KIAA1328: variants seen among roughly 807,000 people sequenced by gnomAD.
KIAA1328 encodes the protein KIAA1328, also known as protein hinderin.
A neutral mutation model predicts 68.1 loss-of-function variants in KIAA1328; 52 were observed. That is an observed-to-expected ratio of 0.76 (90% CI 0.61 to 0.96). KIAA1328 has a LOEUF of 0.96. Among genes scored for constraint, KIAA1328 ranks in the 40% least tolerant of loss-of-function variants. The pLI is 0.00. For missense variants in KIAA1328, 641 were observed against 677.6 expected (o/e 0.95, Z 0.60); for synonymous variants, 232 against 239.4 (o/e 0.97, Z 0.28).
chr18:37,063,933 A>AAT lies in KIAA1328; in HGVS notation c.577-2944_577-2943dup, dbSNP rs1271668528. On this transcript the variant is annotated intron_variant, in intron 6 of 9. Coordinates refer to ENST00000280020, the MANE Select transcript of KIAA1328 (RefSeq NM_020776.3). ...TTTTAAAAACTTACCTGTCATTTGA[A>AAT]ATATATATATATATCTAGTAATTTC... Among the ~76,000 whole-genome samples, 614 of 151,436 alleles carry AAT rather than the reference A, an allele frequency of 4.1e-3. 3 individuals are homozygous for AAT. Among genetic ancestry groups the AAT allele is most frequent in the African/African-American group, 0.013 (528 of 41,334 alleles).
intron 9 of KIAA1328, among the ~76,000 whole-genome samples, chr18:37,199,124 G>T (rs968562756): frequency 2.0e-5 from 3 of 152,196 alleles, no homozygotes; most frequent in Non-Finnish European, 4.4e-5. Context: ...GGGTACATAT[G>T]CAGGATGTAC....
intron 5 of KIAA1328, among the ~76,000 whole-genome samples, chr18:36,926,371 A>C (rs1052853938): frequency 1.5e-4 from 21 of 141,616 alleles, no homozygotes; most frequent in African/African-American, 4.3e-4. Context: ...TTCTTTCTCT[A>C]TCTCTCTCTC....
At chr18:36,929,664 G>A (rs1211529100) in intron 5 of KIAA1328, among the ~76,000 whole-genome samples, 1 of 152,006 alleles carries the variant, frequency 6.6e-6, no homozygotes, top group Non-Finnish European at 1.5e-5. Context: ...AGGTCTTGAG[G>A]ATGGAGCACT....
intron 5 of KIAA1328, among the ~76,000 whole-genome samples, chr18:36,923,345 A>G (rs1044701786): frequency 5.9e-5 from 9 of 152,186 alleles, no homozygotes; most frequent in Non-Finnish European, 1.3e-4. Flanking sequence ...CAGAAAAGCA[A>G]TAGAGACAAT....
chr18:36,853,174 C>T (rs1273471032), intron 4 of KIAA1328, among the ~76,000 whole-genome samples: 2 of 152,002 alleles, frequency 1.3e-5, no homozygotes, highest in Non-Finnish European at 2.9e-5. Flanking sequence ...ACCTTTGTGT[C>T]TTTTGATTTA....
chr18:36,930,353 C>T (rs2050266964), intron 5 of KIAA1328, among the ~76,000 whole-genome samples: 1 of 152,090 alleles, frequency 6.6e-6, no homozygotes, highest in Admixed American at 6.5e-5. Flanking sequence ...CCACAACTTT[C>T]CTATGGGTCC....
Position 37,225,119 on chromosome 18 carries a change from G to T in KIAA1328, c.*2892G>T, listed in dbSNP as rs747784382. 58 of 985,030 alleles carry T rather than the reference G, an allele frequency of 5.9e-5. No individual in the cohort carries two copies. The highest frequency in any genetic ancestry group is 6.3e-5 in the Non-Finnish European group (52 of 829,882). 61.0% of individuals were successfully genotyped at this position (985,030 alleles called of 1,614,324 possible). A position where few individuals can be genotyped will look rare whatever the true frequency, so the allele number is the denominator to read the frequency against. Reference sequence around the variant, plus strand: ...CACTTGTCCCTGCTTCCGGCACCAAGTTCATAATAGAGATCTTCTGGCCAG... The same window carrying T: ...CACTTGTCCCTGCTTCCGGCACCAATTTCATAATAGAGATCTTCTGGCCAG... On this transcript the variant is annotated 3_prime_UTR_variant, in exon 10 of 10. Transcript: ENST00000280020.
At chr18:37,082,859 T>C (rs780502402) in intron 7 of KIAA1328, among the ~76,000 whole-genome samples, 1 of 152,156 alleles carries the variant, frequency 6.6e-6, no homozygotes, top group Admixed American at 6.5e-5. Context: ...AAGTAGTGTA[T>C]GTATAATGAA....
Position 36,932,562 on chromosome 18 carries a change from A to T in KIAA1328, c.449-26746A>T, listed in dbSNP as rs2050349623. ...AGTATTTCCATAATTGACATTTATT[A>T]TAATTACCTTGAAAGAGAAATGAAA... On this transcript the variant is annotated intron_variant, in intron 5 of 9. Coordinates refer to ENST00000280020, the MANE Select transcript of KIAA1328 (RefSeq NM_020776.3). 2.0e-5 allele frequency among the ~76,000 whole-genome samples: 3 copies of T among 152,336 alleles called. No homozygotes were observed. The South Asian group carries it at 6.2e-4, about 32-fold the overall frequency.
At chr18:36,866,013 T>C (rs1226853463) in intron 4 of KIAA1328, among the ~76,000 whole-genome samples, 1 of 152,188 alleles carries the variant, frequency 6.6e-6, no homozygotes, top group African/African-American at 2.4e-5. Flanking sequence ...ATGCTACACA[T>C]GGGGCTGCCC....
At chr18:37,004,428 C>T (rs1011015701) in intron 6 of KIAA1328, among the ~76,000 whole-genome samples, 1 of 151,970 alleles carries the variant, frequency 6.6e-6, no homozygotes, top group Admixed American at 6.6e-5. Context: ...TAAACAATCT[C>T]ATCATAAAGT....
Position 37,067,050 on chromosome 18 carries a change from C to A in KIAA1328, c.737C>A (p.Ser246Tyr). Residue 246 changes from serine to tyrosine, a missense_variant, in exon 7 of 10, where the codon TCT becomes TAT. By Grantham distance (144) the Ser-to-Tyr change is moderately radical. Transcript: ENST00000280020. ...TCCCTTATAGCATTTAGGAATAATT[C>A]TTTGAAACCAGTAACCCTTCATCAT... ...SESLIAFRNN[S>Y]LKPVTLHHPK... The A allele has an allele frequency of 6.2e-7, 1 of 1,613,984 alleles. No individual in the cohort carries two copies. The highest frequency in any genetic ancestry group is 8.5e-7 in the Non-Finnish European group (1 of 1,179,872).
chr18:37,005,288 G>A (rs1376735775), intron 6 of KIAA1328, among the ~76,000 whole-genome samples: 2 of 151,904 alleles, frequency 1.3e-5, no homozygotes, highest in African/African-American at 2.4e-5. Context: ...GTGGGCAAAG[G>A]ACATGAGTAT....
At chr18:37,181,481 G>A (rs975409385) in intron 9 of KIAA1328, among the ~76,000 whole-genome samples, 1 of 151,982 alleles carries the variant, frequency 6.6e-6, no homozygotes, top group African/African-American at 2.4e-5. Context: ...AAGTCATGAT[G>A]TTGGGCTAAT....
At chr18:36,949,597 T>TCCCCCCCCCCCC (rs71168248) in intron 5 of KIAA1328, among the ~76,000 whole-genome samples, 38 of 57,354 alleles carry the variant, frequency 6.6e-4, no homozygotes, top group South Asian at 1.6e-3. Context: ...TCTACCCAGC[T>TCCCCCCCCCCCC]CCCCCCCCCC....
At chr18:36,918,013 G>A (rs2049773369) in intron 5 of KIAA1328, among the ~76,000 whole-genome samples, 1 of 151,764 alleles carries the variant, frequency 6.6e-6, no homozygotes, top group Admixed American at 6.6e-5. Context: ...TTTATGTCTA[G>A]AGCTCTAAGT....
chr18:37,200,763 A>G (rs2060095060), intron 9 of KIAA1328, among the ~76,000 whole-genome samples: 1 of 145,894 alleles, frequency 6.9e-6, no homozygotes, highest in Non-Finnish European at 1.5e-5. Flanking sequence ...GTGAGCTGAG[A>G]TTGCGCCACT....
At chr18:37,133,561 T>G (rs1022290229) in intron 7 of KIAA1328, among the ~76,000 whole-genome samples, 1 of 148,778 alleles carries the variant, frequency 6.7e-6, no homozygotes, top group Non-Finnish European at 1.5e-5. Flanking sequence ...AGTCTCGCTC[T>G]GTCGCCCAGG....
intron 7 of KIAA1328, among the ~76,000 whole-genome samples, chr18:37,154,287 T>G (rs2059106779): frequency 6.6e-6 from 1 of 152,150 alleles, no homozygotes; most frequent in South Asian, 2.1e-4. Context: ...CCCAGATTAT[T>G]TAAATGTATT....
Sources: gnomAD v4.1 joint callset for allele counts (sites outside exome capture counted in the v4.1 genomes callset) on GRCh38, gnomAD v4.1.1 for gene constraint, MANE v1.5 for transcripts, NCBI Gene and HGNC (gene_info 2026-07-23, HGNC 2026-07-21) for gene names.